Variants in EYS observed in about 807,000 individuals in gnomAD.
EYS encodes the protein protein eyes shut homolog.
A neutral mutation model predicts 282.1 loss-of-function variants in EYS; 250 were observed. The observed-to-expected ratio is 0.89, with a 90% confidence interval of 0.80 to 0.98. The LOEUF is 0.98. Ranked by LOEUF, EYS falls within the 50% of genes least tolerant of loss-of-function variation. The pLI, the probability that EYS is intolerant of heterozygous loss-of-function variation, is 0.00. For missense variants in EYS, 4,016 were observed against 3,709.0 expected (o/e 1.08, Z -2.15); for synonymous variants, 1,355 against 1,282.9 (o/e 1.06, Z -1.20).
At chr6:65,414,773 A>C (rs1465797259) in intron 5 of EYS, among the ~76,000 whole-genome samples, 3 of 152,128 alleles carry the variant, frequency 2.0e-5, no homozygotes, top group African/African-American at 4.8e-5. Flanking sequence ...GTCATAAGTG[A>C]AGATAAATAT....
Position 65,673,702 on chromosome 6 carries a change from T to A in EYS, c.-448+33433A>T, listed in dbSNP as rs1768480199. ...ACTGAATACCAAGAGCCTGAGAAAC[T>A]GCTTGGGTGATTTGATTAATAAAGG... On this transcript the variant is annotated intron_variant, in intron 1 of 42. Coordinates refer to ENST00000503581, the MANE Select transcript of EYS (RefSeq NM_001142800.2). Among the ~76,000 whole-genome samples the A allele has an allele frequency of 2.6e-5, 4 of 152,030 alleles. No homozygotes were observed. The South Asian group carries it at 6.2e-4, about 24-fold the overall frequency.
In EYS at chr6:64,750,148, T is replaced by C. The variant is rs1037727038; in HGVS notation, c.3443+63230A>G. Among the ~76,000 whole-genome samples, 7 of 152,046 alleles carry C rather than the reference T, an allele frequency of 4.6e-5. 1 individual carries two copies. Among genetic ancestry groups the C allele is most frequent in the African/African-American group, 1.4e-4 (6 of 41,436 alleles). On this transcript the variant is annotated intron_variant, in intron 22 of 42. Coordinates refer to ENST00000503581, the MANE Select transcript of EYS (RefSeq NM_001142800.2). ...AAGGTTCCAAAGTAATTTAATACTT[T>C]ATTATCTAGTTATTTTTAAAGCTAT...
At chr6:64,979,580 G>A (rs1452620217) in intron 14 of EYS, among the ~76,000 whole-genome samples, 1 of 151,624 alleles carries the variant, frequency 6.6e-6, no homozygotes, top group Non-Finnish European at 1.5e-5. Flanking sequence ...TGACTGGAAT[G>A]AAGAATGAGG....
chr6:65,109,663 A>C (rs986968698), intron 12 of EYS, among the ~76,000 whole-genome samples: 4 of 152,068 alleles, frequency 2.6e-5, no homozygotes, highest in African/African-American at 9.6e-5. Context: ...TACATAAAAA[A>C]AAAAAAAACA....
At chr6:64,695,250 C>T (rs1178742639) in intron 22 of EYS, among the ~76,000 whole-genome samples, 1 of 152,022 alleles carries the variant, frequency 6.6e-6, no homozygotes, top group Non-Finnish European at 1.5e-5. Flanking sequence ...AAGCATAAGC[C>T]CTATTGCCAC....
At chr6:65,211,507 T>C (rs1293090083) in intron 12 of EYS, among the ~76,000 whole-genome samples, 1 of 152,006 alleles carries the variant, frequency 6.6e-6, no homozygotes, top group Non-Finnish European at 1.5e-5. Flanking sequence ...AGACAAAAGC[T>C]TTATATATAT....
chr6:64,357,613 T>G (rs1018610071), intron 29 of EYS, among the ~76,000 whole-genome samples: 6 of 151,544 alleles, frequency 4.0e-5, no homozygotes, highest in African/African-American at 1.5e-4. Flanking sequence ...GGAAGCAAAG[T>G]GGTTCAGGCC....
chr6:64,899,447 A>G (rs2150070221), intron 18 of EYS, among the ~76,000 whole-genome samples: 1 of 152,270 alleles, frequency 6.6e-6, no homozygotes, highest in South Asian at 2.1e-4. Flanking sequence ...AAATGACAGG[A>G]TTGTATATTT....
intron 35 of EYS, among the ~76,000 whole-genome samples, chr6:63,877,751 T>C (rs1773015364): frequency 6.6e-6 from 1 of 152,242 alleles, no homozygotes; most frequent in Non-Finnish European, 1.5e-5. Context: ...TTTCTTCCAC[T>C]TGATCAAATC....
At chr6:64,231,203 A>G (rs1481637033) in intron 30 of EYS, among the ~76,000 whole-genome samples, 2 of 152,176 alleles carry the variant, frequency 1.3e-5, no homozygotes, top group Non-Finnish European at 2.9e-5. Context: ...TTCTGAGTTA[A>G]CTGCTAGAAA....
intron 26 of EYS, among the ~76,000 whole-genome samples, chr6:64,442,819 T>C (rs982932216): frequency 2.8e-5 from 4 of 140,880 alleles, no homozygotes; most frequent in African/African-American, 2.6e-5. Context: ...AGAAGATATA[T>C]GGAAACATCT....
chr6:65,389,570 C>G (rs1765930848), intron 7 of EYS, among the ~76,000 whole-genome samples: 2 of 152,040 alleles, frequency 1.3e-5, no homozygotes, highest in African/African-American at 4.8e-5. Context: ...TTGGCTTGAA[C>G]AAGGGTGTTA....
At chr6:64,491,076 T>C (rs1776726146) in intron 26 of EYS, among the ~76,000 whole-genome samples, 1 of 150,868 alleles carries the variant, frequency 6.6e-6, no homozygotes, top group South Asian at 2.1e-4. Context: ...TTAACTAATA[T>C]TTGGAGGAAA....
intron 31 of EYS, among the ~76,000 whole-genome samples, chr6:64,120,664 A>G (rs1773556928): frequency 6.6e-6 from 1 of 152,170 alleles, no homozygotes; most frequent in Non-Finnish European, 1.5e-5. Flanking sequence ...AGGATATCTA[A>G]CAATGCTACC....
chr6:63,877,835 C>T (rs948756930), intron 35 of EYS, among the ~76,000 whole-genome samples: 1 of 152,154 alleles, frequency 6.6e-6, no homozygotes, highest in African/African-American at 2.4e-5. Context: ...CAATTAAGGT[C>T]TTCTCTACAC....
chr6:65,421,743 T>C (rs1449236384), intron 5 of EYS, among the ~76,000 whole-genome samples: 1 of 151,852 alleles, frequency 6.6e-6, no homozygotes, highest in Admixed American at 6.6e-5. Flanking sequence ...GGGCTATTAA[T>C]TGGTCTAATT....
At chr6:65,050,695 C>T (rs574713397) in intron 13 of EYS, among the ~76,000 whole-genome samples, 2 of 151,516 alleles carry the variant, frequency 1.3e-5, no homozygotes, top group Non-Finnish European at 3.0e-5. Flanking sequence ...TCTGTAGATC[C>T]CCATTGTAGC....
chr6:64,681,975 G>A (rs1047162561), intron 22 of EYS, among the ~76,000 whole-genome samples: 3 of 152,092 alleles, frequency 2.0e-5, no homozygotes, highest in Admixed American at 6.6e-5. Flanking sequence ...GCAAGAACAC[G>A]CCGTGCCTCA....
chr6:64,621,104 T>C (rs1295433737), intron 23 of EYS, among the ~76,000 whole-genome samples: 2 of 152,132 alleles, frequency 1.3e-5, no homozygotes, highest in African/African-American at 4.8e-5. Flanking sequence ...CTTAAACTCC[T>C]GGGCTCAAGG....
Sources: allele counts gnomAD v4.1 joint callset (sites outside exome capture counted in the v4.1 genomes callset), GRCh38; gene constraint gnomAD v4.1.1; transcripts MANE v1.5; gene names NCBI Gene and HGNC (gene_info 2026-07-23, HGNC 2026-07-21).